The following ASTN2 variants were observed in gnomAD, a reference collection of about 807,000 sequenced individuals.
ASTN2 encodes astrotactin 2, also known as astrotactin-2.
ASTN2 carries 54 observed loss-of-function variants against 139.8 expected under a neutral mutation model. The observed-to-expected ratio is 0.39, with a 90% CI of 0.31 to 0.48. ASTN2 has a LOEUF of 0.48. Ranked by LOEUF, ASTN2 falls within the 20% of genes least tolerant of loss-of-function variation. ASTN2 has a pLI of 0.95. For synonymous variants in ASTN2, 756 were observed against 719.5 expected (o/e 1.05, Z -0.81); for missense variants, 1,565 against 1,725.1 (o/e 0.91, Z 1.64).
chr9:116,579,873 G>A (rs1270100185), intron 19 of ASTN2, among the ~76,000 whole-genome samples: 3 of 152,242 alleles, frequency 2.0e-5, no homozygotes, highest in African/African-American at 7.2e-5. Flanking sequence ...CCAGGCTGGA[G>A]TGCAGTGGCG....
chr9:117,356,884 G>A (rs752737459), intron 1 of ASTN2, among the ~76,000 whole-genome samples: 5 of 152,008 alleles, frequency 3.3e-5, no homozygotes, highest in Non-Finnish European at 5.9e-5. Context: ...CCAACATGGT[G>A]AAACCCTGTC....
At chr9:117,220,747 T>A (rs541840371) in intron 2 of ASTN2, among the ~76,000 whole-genome samples, 11 of 152,226 alleles carry the variant, frequency 7.2e-5, no homozygotes, top group Admixed American at 5.2e-4. Flanking sequence ...TCCTGAACCA[T>A]GAAAGAATAA....
At chr9:116,726,372 T>C (rs1282082975) in intron 15 of ASTN2, among the ~76,000 whole-genome samples, 1 of 152,180 alleles carries the variant, frequency 6.6e-6, no homozygotes, top group Non-Finnish European at 1.5e-5. Context: ...ACCCATTGTA[T>C]AATGAGCAAG....
In ASTN2 at chr9:117,060,403, AAAGAAAG is replaced by A. The variant is rs1564406415; in HGVS notation, c.1277-20445_1277-20439del. On this transcript the variant is annotated intron_variant, in intron 5 of 22. Transcript: ENST00000313400. ...GAAAGAAAGAAAGAAAGAAAGAAAGAAAGAAAGAAGGAAAGGAAGGAAGGAAGGAAGA... is the reference window on the plus strand; with the variant it reads ...GAAAGAAAGAAAGAAAGAAAGAAAGAAAGGAAAGGAAGGAAGGAAGGAAGA... Among the ~76,000 whole-genome samples, 21 of 73,952 alleles carry A rather than the reference AAAGAAAG, an allele frequency of 2.8e-4. 2 individuals are homozygous for A. Among genetic ancestry groups the A allele is most frequent in the African/African-American group, 1.7e-3 (21 of 12,630 alleles). 48.5% of individuals were successfully genotyped at this position (73,952 alleles called of 152,430 possible). A position where few individuals can be genotyped will look rare whatever the true frequency, so the allele number is the denominator to read the frequency against.
chr9:116,457,684 C>T (rs1848373389), intron 20 of ASTN2, among the ~76,000 whole-genome samples: 1 of 151,898 alleles, frequency 6.6e-6, no homozygotes, highest in African/African-American at 2.4e-5. Context: ...GGCTTTTATC[C>T]AAAAGTCAGG....
chr9:117,176,873 A>G (rs1830931106), intron 3 of ASTN2, among the ~76,000 whole-genome samples: 1 of 152,196 alleles, frequency 6.6e-6, no homozygotes, highest in South Asian at 2.1e-4. Context: ...GCAGTGAGCT[A>G]TGATCACACC....
At chr9:116,950,921 C>T (rs970051781) in intron 10 of ASTN2, among the ~76,000 whole-genome samples, 22 of 152,152 alleles carry the variant, frequency 1.4e-4, no homozygotes, top group Admixed American at 9.2e-4. Flanking sequence ...TTTCTGTTTC[C>T]TTTATGTTAA....
intron 2 of ASTN2, among the ~76,000 whole-genome samples, chr9:117,263,718 G>A (rs747447936): frequency 2.0e-5 from 3 of 152,154 alleles, no homozygotes; most frequent in Non-Finnish European, 4.4e-5. Context: ...ATATGGTTTT[G>A]AACCTTTTCA....
chr9:116,718,525 G>T (rs1185740382), intron 16 of ASTN2, among the ~76,000 whole-genome samples: 1 of 152,058 alleles, frequency 6.6e-6, no homozygotes. Flanking sequence ...CAAACTATTT[G>T]GTCAAATAGT....
chr9:117,129,916 T>C (rs375323939), intron 4 of ASTN2, among the ~76,000 whole-genome samples: 48 of 152,310 alleles, frequency 3.2e-4, no homozygotes, highest in African/African-American at 1.1e-3. Flanking sequence ...TCACAAAATA[T>C]ATATTTTTCC....
intron 10 of ASTN2, among the ~76,000 whole-genome samples, chr9:116,958,931 A>G (rs1414782310): frequency 1.3e-5 from 2 of 152,186 alleles, no homozygotes; most frequent in African/African-American, 4.8e-5. Context: ...TTTGTGCTGA[A>G]AAAACTATTC....
At chr9:117,053,523 C>T (rs1302192235) in intron 5 of ASTN2, among the ~76,000 whole-genome samples, 1 of 152,078 alleles carries the variant, frequency 6.6e-6, no homozygotes, top group Non-Finnish European at 1.5e-5. Context: ...AAAAATGAAG[C>T]CTGGGGAGAT....
At chr9:117,313,799 G>A (rs1326264606) in intron 1 of ASTN2, among the ~76,000 whole-genome samples, 1 of 152,152 alleles carries the variant, frequency 6.6e-6, no homozygotes, top group East Asian at 1.9e-4. Context: ...AGGAGGAGCA[G>A]AATTTCACTG....
At chr9:116,707,292 A>AAC (rs1828017590) in intron 16 of ASTN2, among the ~76,000 whole-genome samples, 1 of 140,222 alleles carries the variant, frequency 7.1e-6, no homozygotes, top group African/African-American at 2.7e-5. Context: ...GACCAAAAAA[A>AAC]AAAAAAAAAA....
intron 11 of ASTN2, among the ~76,000 whole-genome samples, chr9:116,844,636 CCTAA>C (rs1832372882): frequency 6.6e-6 from 1 of 151,976 alleles, no homozygotes; most frequent in African/African-American, 2.4e-5. Flanking sequence ...ATTTAATGTC[CCTAA>C]CATAGTATCT....
At chr9:116,584,540 T>C (rs1854073762) in intron 19 of ASTN2, 1 of 152,152 alleles carries the variant, frequency 6.6e-6, no homozygotes, top group African/African-American at 2.4e-5. Flanking sequence ...AAATAGAAGA[T>C]ACCTCCTTCC....
At chr9:116,861,365 A>G (rs1399104726) in intron 11 of ASTN2, among the ~76,000 whole-genome samples, 1 of 152,224 alleles carries the variant, frequency 6.6e-6, no homozygotes, top group Admixed American at 6.5e-5. Context: ...GGAAAGAGGC[A>G]GACAACTTAA....
At chr9:116,652,722 G>C (rs1857987424) in intron 16 of ASTN2, among the ~76,000 whole-genome samples, 1 of 152,198 alleles carries the variant, frequency 6.6e-6, no homozygotes, top group Non-Finnish European at 1.5e-5. Context: ...GGAGGAGGTA[G>C]GACTGTCTGG....
chr9:117,347,624 T>C (rs1371303302), intron 1 of ASTN2, among the ~76,000 whole-genome samples: 3 of 152,304 alleles, frequency 2.0e-5, no homozygotes, highest in South Asian at 2.1e-4. Context: ...CAATTATCTG[T>C]TCTTTATGTA....
Sources: allele counts gnomAD v4.1 joint callset (sites outside exome capture counted in the v4.1 genomes callset), GRCh38; gene constraint gnomAD v4.1.1; transcripts MANE v1.5; gene names NCBI Gene and HGNC (gene_info 2026-07-23, HGNC 2026-07-21).